ZFHX3: variants seen among roughly 807,000 people sequenced by gnomAD.
ZFHX3 encodes the protein zinc finger homeobox 3.
Under a neutral mutation model 279.1 loss-of-function variants are expected in ZFHX3, and 42 were observed. The observed-to-expected ratio is 0.15, with a 90% CI of 0.12 to 0.19. The LOEUF is 0.19. Ranked by LOEUF, ZFHX3 falls within the 10% of genes least tolerant of loss-of-function variation. The probability of loss-of-function intolerance (pLI) is 1.00; values close to 1 mark genes in which losing one functional copy is unlikely to be tolerated. For synonymous variants in ZFHX3, 2,293 were observed against 1,957.8 expected, an observed-to-expected ratio of 1.17 and a Z score of -4.52; for missense variants, 4,981 against 4,754.0, an observed-to-expected ratio of 1.05 and a Z score of -1.40.
intron 1 of ZFHX3, among the ~76,000 whole-genome samples, chr16:73,814,185 C>T (rs1960500833): frequency 6.6e-6 from 1 of 152,140 alleles, no homozygotes; most frequent in African/African-American, 2.4e-5. Context: ...TAAGTGAAAT[C>T]AGGTAAAGTG....
At chr16:72,850,189 C>T (rs987479983) in intron 4 of ZFHX3, among the ~76,000 whole-genome samples, 6 of 152,196 alleles carry the variant, frequency 3.9e-5, no homozygotes, top group African/African-American at 1.4e-4. Flanking sequence ...GGAAGCCTTC[C>T]TGACCCCAGC....
At chr16:73,302,005 G>A (rs192768023) in intron 4 of ZFHX3, among the ~76,000 whole-genome samples, 1 of 152,116 alleles carries the variant, frequency 6.6e-6, no homozygotes, top group African/African-American at 2.4e-5. Flanking sequence ...CTGTGCACCA[G>A]CCACACACGG....
intron 1 of ZFHX3, among the ~76,000 whole-genome samples, chr16:73,055,678 A>G (rs868101500): frequency 1.9e-4 from 22 of 117,380 alleles, no homozygotes; most frequent in African/African-American, 6.0e-4. Context: ...GTGCAGACGT[A>G]CGCGCGCGCG....
intron 7 of ZFHX3, among the ~76,000 whole-genome samples, chr16:73,096,706 A>G (rs1966168529): frequency 6.6e-6 from 1 of 151,986 alleles, no homozygotes; most frequent in South Asian, 2.1e-4. Flanking sequence ...ACAAGCCACC[A>G]TGCCCGGCAT....
chr16:72,841,466 G>C (rs1008604000), intron 4 of ZFHX3, among the ~76,000 whole-genome samples: 1 of 152,090 alleles, frequency 6.6e-6, no homozygotes, highest in South Asian at 2.1e-4. Flanking sequence ...GTGTCCAAGG[G>C]GAGAAAGAAT....
chr16:72,810,541 C>T (rs1192715764), intron 7 of ZFHX3, among the ~76,000 whole-genome samples: 1 of 152,224 alleles, frequency 6.6e-6, no homozygotes, highest in Non-Finnish European at 1.5e-5. Flanking sequence ...ATCACCATCA[C>T]TGGCACTATT....
chr16:73,823,517 T>G lies in ZFHX3; in HGVS notation c.-1608+68134A>C, dbSNP rs531859578. ...AAGGCTGCAAGAAGGAGGTCGACTC[T>G]GAACAGAATCTAGAATAGGGGTTGA... On this transcript the variant is annotated intron_variant, in intron 1 of 17. Transcript: ENST00000641206. 2.0e-5 allele frequency among the ~76,000 whole-genome samples: 3 copies of G among 152,356 alleles called. No individual in the cohort carries two copies. The South Asian group carries it at 6.2e-4, about 32-fold the overall frequency.
Position 72,810,100 on chromosome 16 carries a change from G to A in ZFHX3, c.3864+1477C>T, listed in dbSNP as rs185841928. On this transcript the variant is annotated intron_variant, in intron 7 of 9. Transcript: ENST00000268489. ...AGGGTTTCACCGTGTTAGCCAGGAT[G>A]GTCTCGATCTCCTGACCTCGTGATC... Among the ~76,000 whole-genome samples, 461 of 152,132 alleles carry A rather than the reference G, an allele frequency of 3.0e-3. 5 individuals are homozygous for A. The highest frequency in any genetic ancestry group is 0.011 in the African/African-American group (442 of 41,506).
intron 2 of ZFHX3, among the ~76,000 whole-genome samples, chr16:73,573,250 AC>A (rs1333960054): frequency 6.6e-6 from 1 of 152,042 alleles, no homozygotes; most frequent in Non-Finnish European, 1.5e-5. Context: ...GACACAGAAG[AC>A]CCTCACCACC....
intron 5 of ZFHX3, among the ~76,000 whole-genome samples, chr16:73,218,652 C>G (rs1448881127): frequency 1.3e-5 from 2 of 152,086 alleles, no homozygotes; most frequent in African/African-American, 4.8e-5. Context: ...ACCTGTAGTC[C>G]CAGCTACTCA....
chr16:73,055,384 G>C (rs925425012), intron 1 of ZFHX3, among the ~76,000 whole-genome samples: 2 of 152,122 alleles, frequency 1.3e-5, no homozygotes, highest in African/African-American at 4.8e-5. Context: ...CTGAAAGGGG[G>C]AGGCACAATT....
chr16:72,794,738 G>A lies in ZFHX3; in HGVS notation c.7944C>T (p.Ile2648=). The A allele has an allele frequency of 6.2e-7, 1 of 1,614,238 alleles. No individual in the cohort carries two copies. The highest frequency in any genetic ancestry group is 1.7e-5 in the Admixed American group (1 of 60,024). The stretch of plus-strand genomic sequence containing the variant: ...AGAGAATTTCTAGTTGTTCCGGTGT[G>A]ATGGTTGTTCTCAAACGCTTGTCTC... ...PQRDKRLRTT[I]TPEQLEILYQ... is the part of the protein sequence containing the mutation. Residue 2648 remains isoleucine (I), a synonymous_variant, in exon 9 of 10, where the codon ATC becomes ATT. Transcript: ENST00000268489. This position sits in a 1 kb window ranked among gnomAD's most constrained non-coding sequence, Gnocchi z 4.2.
intron 2 of ZFHX3, among the ~76,000 whole-genome samples, chr16:73,513,715 C>A (rs553905996): frequency 6.6e-6 from 1 of 152,114 alleles, no homozygotes; most frequent in African/African-American, 2.4e-5. Context: ...GGTCAGGAGC[C>A]TGGAAGGAGG....
chr16:73,357,569 GTT>G (rs1260112303), intron 3 of ZFHX3, among the ~76,000 whole-genome samples: 3 of 152,150 alleles, frequency 2.0e-5, no homozygotes, highest in African/African-American at 2.4e-5. Context: ...TGTCACTGTG[GTT>G]TTGCCAGAAA....
intron 2 of ZFHX3, among the ~76,000 whole-genome samples, chr16:73,647,027 T>TC (rs1486433795): frequency 7.1e-6 from 1 of 140,332 alleles, no homozygotes; most frequent in Non-Finnish European, 1.6e-5. Context: ...TTTTTTTCTT[T>TC]TTTTTTTTTT....
intron 5 of ZFHX3, among the ~76,000 whole-genome samples, chr16:73,216,775 G>GA (rs112287833): frequency 8.3e-4 from 114 of 137,700 alleles, no homozygotes; most frequent in South Asian, 6.2e-3. Context: ...AAAAGAAAAA[G>GA]AAAAAAAAAA....
chr16:73,696,065 T>C (rs1448001342), intron 1 of ZFHX3, among the ~76,000 whole-genome samples: 1 of 152,152 alleles, frequency 6.6e-6, no homozygotes, highest in Non-Finnish European at 1.5e-5. Context: ...CTCTGAGAGA[T>C]GAAATATTAC....
chr16:73,196,096 T>A (rs1968142545), intron 5 of ZFHX3, among the ~76,000 whole-genome samples: 1 of 151,502 alleles, frequency 6.6e-6, no homozygotes, highest in Non-Finnish European at 1.5e-5. Flanking sequence ...GTGTACTTTA[T>A]CTAGGCTGTG....
intron 4 of ZFHX3, among the ~76,000 whole-genome samples, chr16:73,313,949 A>C (rs1345750942): frequency 1.3e-5 from 2 of 152,152 alleles, no homozygotes; most frequent in Non-Finnish European, 2.9e-5. Flanking sequence ...TTCTACAAAA[A>C]TTAGCTGGTC....
Sources: allele counts gnomAD v4.1 joint callset (sites outside exome capture counted in the v4.1 genomes callset), GRCh38; gene constraint gnomAD v4.1.1; non-coding constraint Gnocchi (gnomAD v3.1); transcripts MANE v1.5; gene names NCBI Gene and HGNC (gene_info 2026-07-23, HGNC 2026-07-21).